The following PARD3B variants were observed in gnomAD, a reference collection of about 807,000 sequenced individuals.
PARD3B encodes the protein partitioning defective 3 homolog B.
PARD3B carries 103 observed loss-of-function variants against 130.2 expected under a neutral mutation model. The observed-to-expected ratio is 0.79, with a 90% CI of 0.67 to 0.93. The LOEUF (loss-of-function observed/expected upper bound fraction) is 0.93. Ranked by LOEUF, PARD3B falls within the 40% of genes least tolerant of loss-of-function variation. The pLI is 0.00. For synonymous variants in PARD3B, 583 were observed against 553.2 expected, an observed-to-expected ratio of 1.05 and a Z score of -0.76; for missense variants, 1,609 against 1,499.2, an observed-to-expected ratio of 1.07 and a Z score of -1.21.
intron 2 of PARD3B, among the ~76,000 whole-genome samples, chr2:204,855,280 C>T (rs555532344): frequency 1.6e-4 from 25 of 152,262 alleles, no homozygotes; most frequent in African/African-American, 5.5e-4. Flanking sequence ...CGTGGTGGCT[C>T]ATGCCTGTTA....
chr2:205,205,702 A>G (rs565886151), intron 15 of PARD3B, among the ~76,000 whole-genome samples: 19 of 152,222 alleles, frequency 1.2e-4, no homozygotes, highest in African/African-American at 4.6e-4. Context: ...TGTTGAGATA[A>G]TCATGTGGTT....
chr2:204,646,754 A>G (rs1354474906), intron 1 of PARD3B, among the ~76,000 whole-genome samples: 1 of 152,034 alleles, frequency 6.6e-6, no homozygotes, highest in African/African-American at 2.4e-5. Context: ...TCCACATCCT[A>G]GAGTATGTTT....
At chr2:205,518,730 C>G (rs1159272454) in intron 21 of PARD3B, among the ~76,000 whole-genome samples, 1 of 152,164 alleles carries the variant, frequency 6.6e-6, no homozygotes, top group Admixed American at 6.6e-5. Flanking sequence ...TCTTCCCTTT[C>G]TATATTTAAA....
At chr2:204,557,147 G>A (rs1054831094) in intron 1 of PARD3B, among the ~76,000 whole-genome samples, 1 of 151,894 alleles carries the variant, frequency 6.6e-6, no homozygotes, top group East Asian at 1.9e-4. Flanking sequence ...GTCCTCCATG[G>A]GATCTCATTC....
intron 21 of PARD3B, among the ~76,000 whole-genome samples, chr2:205,532,882 A>G (rs964881782): frequency 6.6e-6 from 1 of 152,182 alleles, no homozygotes; most frequent in Non-Finnish European, 1.5e-5. Flanking sequence ...AATGCAACTT[A>G]ATTAAAGCAA....
rs115218806 is a variant in PARD3B at position 205,232,004 on chromosome 2, A to G, written c.2141-13774A>G. ...GAAAATATCTCATAATCCGTAGGAC[A>G]TTGGATAAGGTATGCAAGAGGCCAT... On this transcript the variant is annotated intron_variant, in intron 15 of 22. Coordinates refer to ENST00000406610, the MANE Select transcript of PARD3B (RefSeq NM_001302769.2). Among the ~76,000 whole-genome samples the G allele has an allele frequency of 6.9e-3, 1,054 of 152,334 alleles. 15 individuals carry two copies. Among genetic ancestry groups the G allele is most frequent in the African/African-American group, 0.024 (997 of 41,584 alleles).
In PARD3B at chr2:205,113,554, C is replaced by G. The variant is rs1424059620; in HGVS notation, c.657C>G (p.Pro219=). 1 of 1,612,148 alleles carries G rather than the reference C, an allele frequency of 6.2e-7. No individual in the cohort carries two copies. The highest frequency in any genetic ancestry group is 8.5e-7 in the Non-Finnish European group (1 of 1,178,852). ...GCCCATTGGGAATACATGTAGTGCC[C>G]TTCTTTTCATCTCTGAGTGGAAGGT... ...EGGPLGIHVV[P]FFSSLSGRIL... Residue 219 remains proline, a synonymous_variant, in exon 6 of 23, where the codon CCC becomes CCG. Coordinates refer to ENST00000406610, the MANE Select transcript of PARD3B (RefSeq NM_001302769.2).
chr2:204,802,683 C>T (rs897874959), intron 2 of PARD3B, among the ~76,000 whole-genome samples: 1 of 152,100 alleles, frequency 6.6e-6, no homozygotes, highest in Non-Finnish European at 1.5e-5. Flanking sequence ...GAGTTCATGT[C>T]CTTTGCAGGG....
At chr2:205,283,675 A>T (rs1021150541) in intron 16 of PARD3B, among the ~76,000 whole-genome samples, 1 of 152,234 alleles carries the variant, frequency 6.6e-6, no homozygotes, top group Non-Finnish European at 1.5e-5. Flanking sequence ...CCTATTGAAT[A>T]ACAGTATGTA....
chr2:205,431,786 G>T (rs1392313881), intron 19 of PARD3B, among the ~76,000 whole-genome samples: 1 of 152,028 alleles, frequency 6.6e-6, no homozygotes, highest in Non-Finnish European at 1.5e-5. Context: ...TTTTTAAAAT[G>T]TGATCATGTT....
In PARD3B at chr2:204,929,976, T is replaced by C. The variant is rs181671710; in HGVS notation, c.223-35176T>C. On this transcript the variant is annotated intron_variant, in intron 2 of 22. Transcript: ENST00000406610. ...ATTTTTACTTGTATCTATTTACTTG[T>C]AGTCTAAGTAAGACATGTTTTTCCT... 2.3e-3 allele frequency among the ~76,000 whole-genome samples: 346 copies of C among 152,160 alleles called. 3 individuals carry two copies. The highest frequency in any genetic ancestry group is 7.9e-3 in the African/African-American group (329 of 41,524).
chr2:205,596,560 G>A (rs1424431827), intron 22 of PARD3B, among the ~76,000 whole-genome samples: 1 of 152,134 alleles, frequency 6.6e-6, no homozygotes, highest in Non-Finnish European at 1.5e-5. Flanking sequence ...ACCCTTTACT[G>A]AAAATTATCA....
At chr2:204,998,782 C>T (rs1038099809) in intron 3 of PARD3B, among the ~76,000 whole-genome samples, 2 of 152,008 alleles carry the variant, frequency 1.3e-5, no homozygotes, top group South Asian at 2.1e-4. Context: ...GGCGCGATCT[C>T]GGCTCACTGC....
At chr2:204,760,449 C>G (rs551004167) in intron 2 of PARD3B, among the ~76,000 whole-genome samples, 41 of 151,980 alleles carry the variant, frequency 2.7e-4, no homozygotes, top group Non-Finnish European at 4.6e-4. Context: ...TAATGAAAAA[C>G]TGACATTGAG....
intron 20 of PARD3B, among the ~76,000 whole-genome samples, chr2:205,459,084 C>A (rs897995807): frequency 1.3e-5 from 2 of 152,208 alleles, no homozygotes; most frequent in Non-Finnish European, 2.9e-5. Flanking sequence ...AATCTCTGCT[C>A]AGCCTCCAAG....
At chr2:204,800,893 G>A (rs900674279) in intron 2 of PARD3B, among the ~76,000 whole-genome samples, 1 of 152,112 alleles carries the variant, frequency 6.6e-6, no homozygotes, top group Non-Finnish European at 1.5e-5. Flanking sequence ...TTTGTATAAG[G>A]TATAAGGAAG....
chr2:204,573,106 A>G (rs2032085118), intron 1 of PARD3B, among the ~76,000 whole-genome samples: 2 of 152,162 alleles, frequency 1.3e-5, no homozygotes, highest in South Asian at 2.1e-4. Context: ...CATTCAATCC[A>G]TCTGCTCTTC....
chr2:205,482,386 C>T (rs965124353), intron 20 of PARD3B, among the ~76,000 whole-genome samples: 3 of 151,914 alleles, frequency 2.0e-5, no homozygotes, highest in Non-Finnish European at 2.9e-5. Flanking sequence ...AGGTACAAAC[C>T]GGATTGTCAT....
intron 20 of PARD3B, among the ~76,000 whole-genome samples, chr2:205,479,816 A>G (rs1035048714): frequency 3.3e-5 from 5 of 151,694 alleles, no homozygotes; most frequent in East Asian, 1.9e-4. Context: ...TAAAGCCCAT[A>G]TGATCTCAGT....
Sources: gnomAD v4.1 joint callset for allele counts (sites outside exome capture counted in the v4.1 genomes callset) on GRCh38, gnomAD v4.1.1 for gene constraint, MANE v1.5 for transcripts, NCBI Gene and HGNC (gene_info 2026-07-23, HGNC 2026-07-21) for gene names.